FAM117A: variants seen among roughly 807,000 people sequenced by gnomAD.
FAM117A encodes protein FAM117A.
A neutral mutation model predicts 44.1 loss-of-function variants in FAM117A; 21 were observed. That is an observed-to-expected ratio of 0.48 (90% CI 0.34 to 0.69). The LOEUF (loss-of-function observed/expected upper bound fraction) is 0.69, where lower values mean the gene tolerates loss of function less well. Among genes scored for constraint, FAM117A ranks in the 30% least tolerant of loss-of-function variants. The pLI is 0.01. For synonymous variants in FAM117A, 220 were observed against 238.3 expected (o/e 0.92, Z 0.71); for missense variants, 498 against 589.9 (o/e 0.84, Z 1.61).
At chr17:49,719,333 A>T (rs2073521775) in intron 5 of FAM117A, among the ~76,000 whole-genome samples, 1 of 151,690 alleles carries the variant, frequency 6.6e-6, no homozygotes, top group Non-Finnish European at 1.5e-5. Context: ...AGTCGGGGAG[A>T]AGGCTGCATA....
At chr17:49,720,544 A>G (rs1005459971) in intron 3 of FAM117A, 108 bp from the exon 4 acceptor site, 1 of 762,684 alleles carries the variant, frequency 1.3e-6, no homozygotes, top group African/African-American at 1.7e-5. Flanking sequence ...AGATATATAC[A>G]AGGAGGATGG....
At position 49,717,730 on chromosome 17, in the gene FAM117A, G is replaced by A. The variant is rs369414429; in HGVS notation, c.709-16C>T. On this transcript the variant is annotated splice_polypyrimidine_tract_variant and intron_variant, in intron 5 of 7. Coordinates refer to ENST00000240364, the MANE Select transcript of FAM117A (RefSeq NM_030802.4). Reference sequence around the variant, plus strand: ...TATCAAGGATCTAACGGGGAAGGACGGTAAAGACTGTCAGCCCTGAGTATT... The same window carrying A: ...TATCAAGGATCTAACGGGGAAGGACAGTAAAGACTGTCAGCCCTGAGTATT... 107 of 1,577,246 alleles carry A rather than the reference G, an allele frequency of 6.8e-5. No homozygotes were observed. The highest frequency in any genetic ancestry group is 8.4e-5 in the Non-Finnish European group (97 of 1,158,834).
At chr17:49,767,981 T>A (rs1427519224), upstream of FAM117A, among the ~76,000 whole-genome samples, 1 of 152,220 alleles carries the variant, frequency 6.6e-6, no homozygotes, top group Non-Finnish European at 1.5e-5. Context: ...AAGAGACTTA[T>A]TTGCTTTATG....
upstream of FAM117A, among the ~76,000 whole-genome samples, chr17:49,766,360 AT>A (rs2073745932): frequency 6.6e-6 from 1 of 152,122 alleles, no homozygotes; most frequent in Non-Finnish European, 1.5e-5. Context: ...ACATTATCTC[AT>A]TTAATTATCA....
At chr17:49,764,423 A>G (rs182517336), upstream of FAM117A, among the ~76,000 whole-genome samples, 4 of 152,068 alleles carry the variant, frequency 2.6e-5, no homozygotes, top group Non-Finnish European at 5.9e-5. Context: ...AGAATAGGGG[A>G]GCGTCACACC....
At chr17:49,722,449 G>A in intron 3 of FAM117A, 50 bp downstream of exon 3, 1 of 1,445,372 alleles carries the variant, frequency 6.9e-7, no homozygotes, top group East Asian at 2.4e-5. Flanking sequence ...GGTACTAGGG[G>A]ATCGAGAAGA....
intron 1 of FAM117A, among the ~76,000 whole-genome samples, chr17:49,784,563 T>G (rs1032159351): frequency 4.6e-5 from 7 of 152,298 alleles, no homozygotes; most frequent in African/African-American, 1.7e-4. Context: ...TAGATAATGC[T>G]CCTCCACACC....
At chr17:49,764,194 C>T, upstream of FAM117A, 1 of 529,398 alleles carries the variant, frequency 1.9e-6, no homozygotes, top group Non-Finnish European at 3.0e-6. Context: ...GCCCCCTCAT[C>T]CTAGAGCTGT....
Position 49,744,404 on chromosome 17 carries a change from C to A in FAM117A, c.197-11684G>T, listed in dbSNP as rs1292225488. On this transcript the variant is annotated intron_variant, in intron 1 of 7. Coordinates refer to ENST00000240364, the MANE Select transcript of FAM117A (RefSeq NM_030802.4). ...AAGTGATTCTCCATCCTTGGCCTTGCAAAGTGCTGGGATTACAGGCATGAC... is the reference window on the plus strand; with the variant it reads ...AAGTGATTCTCCATCCTTGGCCTTGAAAAGTGCTGGGATTACAGGCATGAC... Among the ~76,000 whole-genome samples, 99 of 152,246 alleles carry A rather than the reference C, an allele frequency of 6.5e-4. 1 individual carries two copies. Among genetic ancestry groups the A allele is most frequent in the Non-Finnish European group, 1.8e-4 (12 of 68,012 alleles).
Position 49,720,435 on chromosome 17 carries a change from A to C in FAM117A, c.464T>G (p.Ile155Ser). The C allele has an allele frequency of 6.2e-7, 1 of 1,612,516 alleles. No homozygotes were observed. The highest frequency in any genetic ancestry group is 8.5e-7 in the Non-Finnish European group (1 of 1,179,800). ...SWGSTDHRKE[I>S]SKLKQQLQRT... is the part of the protein sequence containing the mutation. ...CTGCAGTTGTTGCTTCAACTTGGAA[A>C]TCTAGCAGCCCAGAGAGAAGACGAC... is the stretch of plus-strand genomic sequence containing the variant. Residue 155 changes from isoleucine to serine, a missense_variant and splice_region_variant, in exon 4 of 8, where the codon ATT (isoleucine) becomes AGT (serine). This residue lies in a region of FAM117A where 270 missense variants were observed against 277.4 expected (regional missense o/e 0.97). Coordinates refer to ENST00000240364, the MANE Select transcript of FAM117A (RefSeq NM_030802.4).
chr17:49,775,315 T>G (rs1361468117), intron 1 of FAM117A, among the ~76,000 whole-genome samples: 1 of 152,216 alleles, frequency 6.6e-6, no homozygotes, highest in East Asian at 1.9e-4. Context: ...ACGGAAGGAA[T>G]GAAGCCCAGT....
chr17:49,714,591 G>C (rs2073493485), intron 7 of FAM117A, among the ~76,000 whole-genome samples: 1 of 151,436 alleles, frequency 6.6e-6, no homozygotes, highest in Non-Finnish European at 1.5e-5. Context: ...GCCCACCTCA[G>C]TCTCCCAAAG....
chr17:49,719,070 T>G (rs1295404936), intron 5 of FAM117A, among the ~76,000 whole-genome samples: 1 of 151,454 alleles, frequency 6.6e-6, no homozygotes. Context: ...AAGACCAGCC[T>G]GGCAAAGATG....
At chr17:49,755,646 C>A (rs1350201516) in intron 1 of FAM117A, among the ~76,000 whole-genome samples, 1 of 152,202 alleles carries the variant, frequency 6.6e-6, no homozygotes, top group Non-Finnish European at 1.5e-5. Flanking sequence ...ACGTCTTTGC[C>A]ACCAACTGGG....
chr17:49,766,153 C>A (rs1391022293), upstream of FAM117A, among the ~76,000 whole-genome samples: 1 of 152,166 alleles, frequency 6.6e-6, no homozygotes, highest in Non-Finnish European at 1.5e-5. Flanking sequence ...ATTGAGACTT[C>A]AGGGAGAAAT....
intron 1 of FAM117A, among the ~76,000 whole-genome samples, chr17:49,750,087 T>C (rs2073670287): frequency 6.7e-6 from 1 of 148,972 alleles, no homozygotes; most frequent in African/African-American, 2.4e-5. Context: ...GTATCTTCTT[T>C]GGAAATAACT....
At chr17:49,721,907 C>T (rs1276390145) in intron 3 of FAM117A, among the ~76,000 whole-genome samples, 4 of 151,228 alleles carry the variant, frequency 2.6e-5, no homozygotes, top group African/African-American at 4.9e-5. Context: ...CTGGCCAACA[C>T]GGTGAAACCC....
At chr17:49,777,592 T>C (rs1396299607) in intron 1 of FAM117A, among the ~76,000 whole-genome samples, 1 of 152,074 alleles carries the variant, frequency 6.6e-6, no homozygotes, top group East Asian at 1.9e-4. Flanking sequence ...TTTTTTTTTT[T>C]AATGTTCAAG....
intron 7 of FAM117A, 89 bp downstream of exon 7, chr17:49,716,076 C>G (rs2073501402): frequency 1.4e-6 from 2 of 1,458,822 alleles, no homozygotes; most frequent in Admixed American, 3.7e-5. Context: ...GACAACACCT[C>G]TATGACAAGA....
Sources: allele counts gnomAD v4.1 joint callset (sites outside exome capture counted in the v4.1 genomes callset), GRCh38; gene constraint gnomAD v4.1.1; regional missense constraint gnomAD v4.1.1; transcripts MANE v1.5; gene names NCBI Gene and HGNC (gene_info 2026-07-23, HGNC 2026-07-21).